CHRM2: variants seen among roughly 807,000 people sequenced by gnomAD.
CHRM2 encodes muscarinic acetylcholine receptor M2.
In CHRM2, 8 loss-of-function variants were observed where a neutral mutation model predicts 25.0. The observed-to-expected ratio is 0.32, with a 90% confidence interval of 0.19 to 0.58. CHRM2 has a LOEUF of 0.58. Among genes scored for constraint, CHRM2 ranks in the 20% least tolerant of loss-of-function variants. The probability of loss-of-function intolerance (pLI) is 0.88; values close to 1 mark genes in which losing one functional copy is unlikely to be tolerated. For synonymous variants in CHRM2, 202 were observed against 205.7 expected (o/e 0.98, Z 0.15); for missense variants, 440 against 567.1 (o/e 0.78, Z 2.28).
intron 2 of CHRM2, among the ~76,000 whole-genome samples, chr7:136,919,291 G>C (rs1193143568): frequency 6.6e-6 from 1 of 152,004 alleles, no homozygotes; most frequent in Non-Finnish European, 1.5e-5. Context: ...AGGTCAAGAT[G>C]CTTTTACTAA....
chr7:136,983,202 C>G (rs1409184160), intron 2 of CHRM2, among the ~76,000 whole-genome samples: 1 of 152,014 alleles, frequency 6.6e-6, no homozygotes, highest in East Asian at 1.9e-4. Context: ...GATCTTCAAT[C>G]TCTGTTATTC....
chr7:136,892,022 TG>T (rs1796710107), intron 2 of CHRM2, among the ~76,000 whole-genome samples: 1 of 152,314 alleles, frequency 6.6e-6, no homozygotes, highest in Non-Finnish European at 1.5e-5. Flanking sequence ...AATTTACCCC[TG>T]GGGCCTAGAA....
At position 137,016,818 on chromosome 7, in the gene CHRM2, A is replaced by T. The variant is rs1475714036; in HGVS notation, c.*552A>T. ...TTACGGTCCTATTTAGAGGATTGGA[A>T]TGTAATAAATGCTTATTTTTTGCCT... On this transcript the variant is annotated 3_prime_UTR_variant, in exon 4 of 4. Transcript: ENST00000680005. 6.0e-6 allele frequency: 1 copy of T among 167,546 alleles called. No homozygotes were observed. The highest frequency in any genetic ancestry group is 1.5e-5 in the Non-Finnish European group (1 of 68,518). 10.4% of individuals were successfully genotyped at this position (167,546 alleles called of 1,614,324 possible).
At chr7:136,894,411 A>C (rs1385943238) in intron 2 of CHRM2, among the ~76,000 whole-genome samples, 3 of 152,110 alleles carry the variant, frequency 2.0e-5, no homozygotes, top group Non-Finnish European at 4.4e-5. Flanking sequence ...TCGCTTTGTT[A>C]CCCAGGCTGG....
chr7:137,002,084 C>T (rs561582348), intron 3 of CHRM2, among the ~76,000 whole-genome samples: 7 of 151,984 alleles, frequency 4.6e-5, no homozygotes, highest in Non-Finnish European at 1.0e-4. Flanking sequence ...ATGAGAAAAG[C>T]CGGTCAAGAA....
intron 2 of CHRM2, among the ~76,000 whole-genome samples, chr7:136,886,672 G>C (rs1229727278): frequency 6.6e-6 from 1 of 151,978 alleles, no homozygotes; most frequent in Non-Finnish European, 1.5e-5. Context: ...TTCAAGACCA[G>C]TCTGGGCAAC....
At chr7:136,979,949 A>G (rs1313721739) in intron 2 of CHRM2, among the ~76,000 whole-genome samples, 1 of 152,168 alleles carries the variant, frequency 6.6e-6, no homozygotes, top group African/African-American at 2.4e-5. Context: ...GTTCCATATA[A>G]AATTTAAAGT....
chr7:136,967,860 A>G (rs1321542580), intron 2 of CHRM2, among the ~76,000 whole-genome samples: 1 of 151,708 alleles, frequency 6.6e-6, no homozygotes, highest in Non-Finnish European at 1.5e-5. Flanking sequence ...ATGATTCCAT[A>G]TATTTCTGTC....
chr7:136,985,504 CAAAAAAAAAA>C (rs974105875), intron 2 of CHRM2, among the ~76,000 whole-genome samples: 1 of 59,756 alleles, frequency 1.7e-5, no homozygotes, highest in African/African-American at 7.6e-5. Flanking sequence ...AGTTAGACTC[CAAAAAAAAAA>C]AAAAAAAAAA....
At chr7:136,920,699 A>G (rs558954349) in intron 2 of CHRM2, among the ~76,000 whole-genome samples, 4 of 152,264 alleles carry the variant, frequency 2.6e-5, no homozygotes, top group Admixed American at 2.6e-4. Context: ...TAAGCTCATC[A>G]CACCTTAGAT....
intron 2 of CHRM2, among the ~76,000 whole-genome samples, chr7:136,914,538 T>C (rs1342813816): frequency 6.6e-6 from 1 of 151,892 alleles, no homozygotes; most frequent in Non-Finnish European, 1.5e-5. Flanking sequence ...GGAGTCAGAA[T>C]ATGTCCCTTT....
In CHRM2 at chr7:136,902,631, C is replaced by A. The variant is rs894945501; in HGVS notation, c.-125+33213C>A. ...TTAGATTGAGAAGGGATTAGGACGA[C>A]CCTGAATGGAATGGGCAAATCATAA... On this transcript the variant is annotated intron_variant, in intron 2 of 3. Coordinates refer to ENST00000680005, the MANE Select transcript of CHRM2 (RefSeq NM_001006630.2). 3.2e-4 allele frequency: 51 copies of A among 161,194 alleles called. 1 individual carries two copies. The highest frequency in any genetic ancestry group is 1.3e-4 in the Admixed American group (2 of 15,400). 10.0% of individuals were successfully genotyped at this position (161,194 alleles called of 1,614,324 possible). A position where few individuals can be genotyped will look rare whatever the true frequency, so the allele number is the denominator to read the frequency against.
chr7:136,986,765 C>T (rs1048632557), intron 2 of CHRM2, among the ~76,000 whole-genome samples: 3 of 152,140 alleles, frequency 2.0e-5, no homozygotes, highest in Non-Finnish European at 4.4e-5. Flanking sequence ...ATCAGGAGCA[C>T]CTGCAAAACA....
intron 2 of CHRM2, among the ~76,000 whole-genome samples, chr7:136,948,122 G>C (rs1202175487): frequency 2.0e-5 from 3 of 152,088 alleles, no homozygotes; most frequent in Admixed American, 1.3e-4. Flanking sequence ...TCACAGGACA[G>C]ATTCTATACA....
intron 2 of CHRM2, among the ~76,000 whole-genome samples, chr7:136,895,379 CT>C (rs1190369969): frequency 2.0e-5 from 3 of 152,146 alleles, no homozygotes; most frequent in African/African-American, 7.2e-5. Context: ...CCCAATTTTT[CT>C]TCTCAAAATA....
At chr7:136,939,849 G>C (rs1799659901) in intron 2 of CHRM2, among the ~76,000 whole-genome samples, 1 of 152,160 alleles carries the variant, frequency 6.6e-6, no homozygotes, top group Non-Finnish European at 1.5e-5. Context: ...TGAAATGCAA[G>C]AGGATTTATC....
At chr7:136,998,385 T>C (rs1463351632) in intron 3 of CHRM2, among the ~76,000 whole-genome samples, 1 of 152,126 alleles carries the variant, frequency 6.6e-6, no homozygotes, top group Non-Finnish European at 1.5e-5. Context: ...TCAAGAGAGA[T>C]TGAGTTGTTT....
Position 136,939,144 on chromosome 7 carries a change from A to G in CHRM2, c.-124-53043A>G, listed in dbSNP as rs541259355. On this transcript the variant is annotated intron_variant, in intron 2 of 3. Coordinates refer to ENST00000680005, the MANE Select transcript of CHRM2 (RefSeq NM_001006630.2). Reference sequence around the variant, plus strand: ...ATCAACCTACTTGTCCCCATGAGGAAGCAGTAGCAGAAGGGAAACTGCCAC... The same window carrying G: ...ATCAACCTACTTGTCCCCATGAGGAGGCAGTAGCAGAAGGGAAACTGCCAC... 8.5e-5 allele frequency among the ~76,000 whole-genome samples: 13 copies of G among 152,270 alleles called. No individual in the cohort carries two copies. In the East Asian group the frequency reaches 2.5e-3, roughly 29 times the overall value.
intron 3 of CHRM2, among the ~76,000 whole-genome samples, chr7:137,013,113 T>C (rs1002837234): frequency 6.6e-6 from 1 of 152,022 alleles, no homozygotes; most frequent in African/African-American, 2.4e-5. Context: ...AACTCTATTA[T>C]ATTAAAGACA....
Sources: gnomAD v4.1 joint callset for allele counts (sites outside exome capture counted in the v4.1 genomes callset) on GRCh38, gnomAD v4.1.1 for gene constraint, MANE v1.5 for transcripts, NCBI Gene and HGNC (gene_info 2026-07-23, HGNC 2026-07-21) for gene names.